Variants in AAK1 observed in about 807,000 individuals in gnomAD.
The protein encoded by AAK1 is AP2-associated protein kinase 1.
A neutral mutation model predicts 116.0 loss-of-function variants in AAK1; 37 were observed. The ratio of observed to expected loss-of-function variants is 0.32; its 90% CI spans 0.25 to 0.42. The LOEUF (loss-of-function observed/expected upper bound fraction) is 0.42, where lower values mean the gene tolerates loss of function less well. AAK1 is among the 10% of genes least tolerant of loss of function. The pLI, the probability that AAK1 is intolerant of heterozygous loss-of-function variation, is 1.00. For synonymous variants in AAK1, 458 were observed against 439.9 expected, an observed-to-expected ratio of 1.04 and a Z score of -0.51; for missense variants, 919 against 1,170.6, an observed-to-expected ratio of 0.79 and a Z score of 3.14.
At position 69,563,959 on chromosome 2, in the gene AAK1, C is replaced by T. The variant is rs566154738; in HGVS notation, c.164-6981G>A. ...CTGTAATCCCAGCACTTTGGGAGGCCGAGGCAGGTGGATCACGAGGTCAGG... is the reference window on the plus strand; with the variant it reads ...CTGTAATCCCAGCACTTTGGGAGGCTGAGGCAGGTGGATCACGAGGTCAGG... On this transcript the variant is annotated intron_variant, in intron 2 of 21. Transcript: ENST00000409085. Among the ~76,000 whole-genome samples the T allele has an allele frequency of 1.1e-4, 17 of 152,040 alleles. No homozygotes were observed. In the East Asian group the frequency reaches 2.3e-3, roughly 21 times the overall value.
chr2:69,580,083 A>C (rs546323834), intron 2 of AAK1, among the ~76,000 whole-genome samples: 25 of 152,214 alleles, frequency 1.6e-4, no homozygotes, highest in Non-Finnish European at 2.6e-4. Flanking sequence ...ACTAACAACC[A>C]AATCTTGATG....
chr2:69,618,808 C>A (rs532903518), intron 2 of AAK1, among the ~76,000 whole-genome samples: 1 of 152,328 alleles, frequency 6.6e-6, no homozygotes, highest in Middle Eastern at 3.4e-3. Flanking sequence ...ATGACCTACA[C>A]ATCCATGGCC....
intron 5 of AAK1, among the ~76,000 whole-genome samples, chr2:69,533,250 T>C (rs1402255945): frequency 6.6e-6 from 1 of 152,156 alleles, no homozygotes; most frequent in Non-Finnish European, 1.5e-5. Flanking sequence ...CTCTACCTAG[T>C]GCCTAACACA....
rs1674783203 is a variant in AAK1, at chr2:69,474,520, A to C, written c.*1349T>G. The C allele has an allele frequency of 1.0e-6, 1 of 984,944 alleles. No individual in the cohort carries two copies. Among genetic ancestry groups the C allele is most frequent in the Non-Finnish European group, 1.2e-6 (1 of 829,428 alleles). The allele number at this position is 984,944 out of a possible 1,614,324, so 61.0% of individuals were successfully genotyped here. A position where few individuals can be genotyped will look rare whatever the true frequency, so the allele number is the denominator to read the frequency against. On this transcript the variant is annotated 3_prime_UTR_variant, in exon 22 of 22. Coordinates refer to ENST00000409085, the MANE Select transcript of AAK1 (RefSeq NM_014911.5). ...TATGAACAATATCCTAAAGTTAATA[A>C]AGAACTATGCTTTATTATTTTTTTT...
At chr2:69,501,370 T>C (rs866724235) in intron 16 of AAK1, among the ~76,000 whole-genome samples, 1 of 151,412 alleles carries the variant, frequency 6.6e-6, no homozygotes, top group Non-Finnish European at 1.5e-5. Flanking sequence ...ATGGTTAAGC[T>C]CCACAAAACC....
chr2:69,526,285 C>T (rs561337609), intron 9 of AAK1, among the ~76,000 whole-genome samples: 1 of 152,288 alleles, frequency 6.6e-6, no homozygotes, highest in African/African-American at 2.4e-5. Flanking sequence ...CTGAGCTCCA[C>T]ATGGATGAAC....
Position 69,465,405 on chromosome 2 carries a change from T to C in AAK1, c.*10464A>G. 7.9e-7 allele frequency: 1 copy of C among 1,269,026 alleles called. No individual in the cohort carries two copies. The highest frequency in any genetic ancestry group is 1.0e-6 in the Non-Finnish European group (1 of 976,362). The allele number at this position is 1,269,026 out of a possible 1,614,324, so 78.6% of individuals were successfully genotyped here. ...TGAGGGTGGGATAGAGACAAGAGGCTTGAGGCTCAGGTTTTGCTCCTAGGG... is the reference window on the plus strand; with the variant it reads ...TGAGGGTGGGATAGAGACAAGAGGCCTGAGGCTCAGGTTTTGCTCCTAGGG... On this transcript the variant is annotated 3_prime_UTR_variant, in exon 22 of 22. Coordinates refer to ENST00000409085, the MANE Select transcript of AAK1 (RefSeq NM_014911.5).
chr2:69,566,593 T>A (rs1048846093), intron 2 of AAK1, among the ~76,000 whole-genome samples: 3 of 152,158 alleles, frequency 2.0e-5, no homozygotes, highest in Non-Finnish European at 4.4e-5. Flanking sequence ...AGGCTGAACA[T>A]GGCACACTGG....
chr2:69,481,010 C>T, intron 18 of AAK1, 49 bp from the exon 19 acceptor site: 1 of 1,412,898 alleles, frequency 7.1e-7, no homozygotes, highest in East Asian at 2.5e-5. Flanking sequence ...GAAAGGGAGT[C>T]AGAAGTTTCT....
At chr2:69,602,575 T>C in intron 2 of AAK1, among the ~76,000 whole-genome samples, 1 of 152,190 alleles carries the variant, frequency 6.6e-6, no homozygotes. Context: ...TTCTACTGTT[T>C]ATGTAACTGA....
rs191438086 is a variant in AAK1 at position 69,471,339 on chromosome 2, T to C, written c.*4530A>G. 9.6e-4 allele frequency: 948 copies of C among 985,410 alleles called. 11 individuals carry two copies. The Admixed American group carries it at 0.012, about 13-fold the overall frequency. 61.0% of individuals were successfully genotyped at this position (985,410 alleles called of 1,614,324 possible). A position where few individuals can be genotyped will look rare whatever the true frequency, so the allele number is the denominator to read the frequency against. ...GCAAAAGAGGTTTCTTGTTATAGATTTCCTAGCACTCATTCTGATTTAAGA... is the reference window on the plus strand; with the variant it reads ...GCAAAAGAGGTTTCTTGTTATAGATCTCCTAGCACTCATTCTGATTTAAGA... On this transcript the variant is annotated 3_prime_UTR_variant, in exon 22 of 22. Coordinates refer to ENST00000409085, the MANE Select transcript of AAK1 (RefSeq NM_014911.5).
In AAK1 at chr2:69,468,036, G is replaced by A; in HGVS notation, c.*7833C>T. 1 of 985,430 alleles carries A rather than the reference G, an allele frequency of 1.0e-6. No homozygotes were observed. The highest frequency in any genetic ancestry group is 1.2e-6 in the Non-Finnish European group (1 of 829,922). The allele number at this position is 985,430 out of a possible 1,614,324, so 61.0% of individuals were successfully genotyped here. ...TTCTAACAGTTTGAATGCGTTCAGT[G>A]AATTCCAGATTGGGGCGTTAAGTTA... On this transcript the variant is annotated 3_prime_UTR_variant, in exon 22 of 22. Transcript: ENST00000409085.
chr2:69,616,927 C>T (rs990262728), intron 2 of AAK1, among the ~76,000 whole-genome samples: 1 of 152,116 alleles, frequency 6.6e-6, no homozygotes, highest in African/African-American at 2.4e-5. Flanking sequence ...CCCAAGCCAC[C>T]CACGAGGGAC....
chr2:69,466,676 A>G lies in AAK1; in HGVS notation c.*9193T>C. 1.8e-6 allele frequency: 2 copies of G among 1,091,228 alleles called. No homozygotes were observed. Among genetic ancestry groups the G allele is most frequent in the Non-Finnish European group, 2.2e-6 (2 of 891,184 alleles). 67.6% of individuals were successfully genotyped at this position (1,091,228 alleles called of 1,614,324 possible). On this transcript the variant is annotated 3_prime_UTR_variant, in exon 22 of 22. Coordinates refer to ENST00000409085, the MANE Select transcript of AAK1 (RefSeq NM_014911.5). Reference sequence around the variant, plus strand: ...AATAGATGTTGAAAATGCAACAGGAAAAACATAAAAATAAAAGTCAGGCAA... The same window carrying G: ...AATAGATGTTGAAAATGCAACAGGAGAAACATAAAAATAAAAGTCAGGCAA...
intron 2 of AAK1, among the ~76,000 whole-genome samples, chr2:69,562,955 T>G (rs1452608756): frequency 6.6e-6 from 1 of 151,972 alleles, no homozygotes; most frequent in African/African-American, 2.4e-5. Context: ...GTCTAGGTAC[T>G]CGGGAGGCTG....
At chr2:69,531,469 T>C (rs894208894) in intron 6 of AAK1, 3 of 483,060 alleles carry the variant, frequency 6.2e-6, no homozygotes, top group Non-Finnish European at 8.1e-6. Flanking sequence ...TGCTGTTGCC[T>C]GTAAAAAATC....
chr2:69,533,674 G>A (rs990172496), intron 5 of AAK1, among the ~76,000 whole-genome samples: 1 of 152,118 alleles, frequency 6.6e-6, no homozygotes, highest in East Asian at 1.9e-4. Flanking sequence ...TGTAAGATCT[G>A]GGTTTAAAGT....
chr2:69,526,438 T>C (rs747970676), intron 9 of AAK1, among the ~76,000 whole-genome samples: 5 of 152,142 alleles, frequency 3.3e-5, no homozygotes, highest in Admixed American at 6.6e-5. Flanking sequence ...TAATAAAATA[T>C]TTAAGAAAAA....
At chr2:69,615,028 G>C (rs1674260110) in intron 2 of AAK1, among the ~76,000 whole-genome samples, 1 of 152,172 alleles carries the variant, frequency 6.6e-6, no homozygotes, top group Non-Finnish European at 1.5e-5. Context: ...AAGCCACCCA[G>C]TTTGTGGTCA....
Sources: allele counts gnomAD v4.1 joint callset (sites outside exome capture counted in the v4.1 genomes callset), GRCh38; gene constraint gnomAD v4.1.1; transcripts MANE v1.5; gene names NCBI Gene and HGNC (gene_info 2026-07-23, HGNC 2026-07-21).